The following STAT5B variants were observed in gnomAD, a reference collection of about 807,000 sequenced individuals.
STAT5B encodes signal transducer and activator of transcription 5B, also known as transcription factor STAT5B.
Under a neutral mutation model 107.8 loss-of-function variants are expected in STAT5B, and 21 were observed. The ratio of observed to expected loss-of-function variants is 0.19; its 90% CI spans 0.14 to 0.28. STAT5B has a LOEUF of 0.28. Among genes scored for constraint, STAT5B ranks in the 10% least tolerant of loss-of-function variants. The pLI, the probability that STAT5B is intolerant of heterozygous loss-of-function variation, is 1.00. For missense variants in STAT5B, 565 were observed against 1,008.2 expected, an observed-to-expected ratio of 0.56 and a Z score of 5.95; for synonymous variants, 325 against 401.7, an observed-to-expected ratio of 0.81 and a Z score of 2.28.
chr17:42,218,189 C>T lies in STAT5B; in HGVS notation c.1131G>A (p.Gln377=). The T allele has an allele frequency of 6.2e-7, 1 of 1,614,178 alleles. No individual in the cohort carries two copies. Among genetic ancestry groups the T allele is most frequent in the Non-Finnish European group, 8.5e-7 (1 of 1,180,032 alleles). Reference sequence around the variant, plus strand: ...CGTTCTTGAGCAGAGACTTGGCCTGCTGCTCACTGATGATGGTGGCCTTCA... The same window carrying T: ...CGTTCTTGAGCAGAGACTTGGCCTGTTGCTCACTGATGATGGTGGCCTTCA... The part of the protein sequence containing the change: ...PQVKATIISE[Q]QAKSLLKNEN... Residue 377 remains glutamine (Q), a synonymous_variant, in exon 9 of 19, where the codon CAG becomes CAA. Coordinates refer to ENST00000293328, the MANE Select transcript of STAT5B (RefSeq NM_012448.4).
At chr17:42,238,612 C>A (rs574221468) in intron 1 of STAT5B, among the ~76,000 whole-genome samples, 1 of 151,626 alleles carries the variant, frequency 6.6e-6, no homozygotes, top group South Asian at 2.1e-4. Flanking sequence ...CGCCACCACG[C>A]CTGGCTAATT....
At chr17:42,281,787 G>A in the STAT5B span, among the ~76,000 whole-genome samples, 3 of 152,164 alleles carry the variant, frequency 2.0e-5, no homozygotes, top group Non-Finnish European at 2.9e-5. Context: ...AGGATCCCCC[G>A]ACCCCGCCTC....
chr17:42,263,049 A>C (rs2080632029), intron 1 of STAT5B, among the ~76,000 whole-genome samples: 1 of 127,546 alleles, frequency 7.8e-6, no homozygotes, highest in Admixed American at 8.4e-5. Flanking sequence ...TTTTTTTTAA[A>C]GAGAGACAGG....
intron 1 of STAT5B, chr17:42,233,866 C>G (rs890732815): frequency 2.6e-5 from 4 of 152,142 alleles, no homozygotes; most frequent in African/African-American, 9.7e-5. Context: ...CCCCCTCAGA[C>G]TCACCTGACA....
rs565760661 is a variant in STAT5B, at chr17:42,262,908, GTA to G, written c.-11+13338_-11+13339del. On this transcript the variant is annotated intron_variant, in intron 1 of 18. Transcript: ENST00000293328. Reference sequence around the variant, plus strand: ...CATATATATGTGTGTATATATATGTGTATATATATGTGTGTATATATATATGT... The same window carrying G: ...CATATATATGTGTGTATATATATGTGTATATATGTGTGTATATATATATGT... Among the ~76,000 whole-genome samples the G allele has an allele frequency of 3.2e-3, 351 of 109,762 alleles. 4 individuals are homozygous for G. Among genetic ancestry groups the G allele is most frequent in the African/African-American group, 8.7e-3 (260 of 29,772 alleles). 72.0% of individuals were successfully genotyped at this position (109,762 alleles called of 152,430 possible).
At chr17:42,281,600 T>C (rs2080795927), upstream of STAT5B, among the ~76,000 whole-genome samples, 1 of 152,164 alleles carries the variant, frequency 6.6e-6, no homozygotes, top group African/African-American at 2.4e-5. Context: ...AGCTGGTGCT[T>C]TGTCACATGG....
At chr17:42,284,745 G>A in the STAT5B span, among the ~76,000 whole-genome samples, 3 of 152,212 alleles carry the variant, frequency 2.0e-5, no homozygotes, top group South Asian at 4.1e-4. Flanking sequence ...TCACTCCGCC[G>A]GTGTGTGCTG....
chr17:42,249,466 A>G (rs1183602547), intron 1 of STAT5B, among the ~76,000 whole-genome samples: 1 of 152,184 alleles, frequency 6.6e-6, no homozygotes, highest in Admixed American at 6.6e-5. Flanking sequence ...TCCCTAGTCA[A>G]CTGATAAAAA....
chr17:42,249,060 C>A (rs2080476413), intron 1 of STAT5B, among the ~76,000 whole-genome samples: 1 of 152,156 alleles, frequency 6.6e-6, no homozygotes, highest in South Asian at 2.1e-4. Flanking sequence ...CTGGAACCAT[C>A]CAGATTTTAT....
chr17:42,227,922 A>C, intron 2 of STAT5B, among the ~76,000 whole-genome samples: 1 of 152,284 alleles, frequency 6.6e-6, no homozygotes. Flanking sequence ...ATTTTTAACA[A>C]TGTGCTGCCC....
At chr17:42,251,623 C>T (rs1342511342) in intron 1 of STAT5B, among the ~76,000 whole-genome samples, 3 of 151,904 alleles carry the variant, frequency 2.0e-5, no homozygotes, top group African/African-American at 7.2e-5. Context: ...TAAACAGCAA[C>T]TTACCTGATG....
At chr17:42,208,736 A>AT (rs869068551) in intron 15 of STAT5B, among the ~76,000 whole-genome samples, 59 of 146,800 alleles carry the variant, frequency 4.0e-4, no homozygotes, top group Middle Eastern at 3.4e-3. Flanking sequence ...AAAGTGATGA[A>AT]TTTTTTTTTT....
intron 1 of STAT5B, among the ~76,000 whole-genome samples, chr17:42,273,984 G>A (rs1307175189): frequency 6.6e-6 from 1 of 152,086 alleles, no homozygotes; most frequent in Non-Finnish European, 1.5e-5. Context: ...GAGCAGGATA[G>A]GAAGTGTTGA....
chr17:42,217,628 CG>C, intron 9 of STAT5B, 164 bp from the exon 10 acceptor site: 1 of 707,050 alleles, frequency 1.4e-6, no homozygotes. Flanking sequence ...TCTTCTCGGA[CG>C]TATCTCTACA....
chr17:42,263,751 T>C (rs2080638809), intron 1 of STAT5B, among the ~76,000 whole-genome samples: 1 of 152,048 alleles, frequency 6.6e-6, no homozygotes, highest in Admixed American at 6.6e-5. Context: ...GATCTTGAAC[T>C]CCTGGACTCA....
At chr17:42,238,547 C>T (rs1029909535) in intron 1 of STAT5B, among the ~76,000 whole-genome samples, 18 of 150,964 alleles carry the variant, frequency 1.2e-4, no homozygotes, top group African/African-American at 3.7e-4. Context: ...CTCCGCCTCC[C>T]GGGTTTAAGC....
At position 42,218,306 on chromosome 17, in the gene STAT5B, A is replaced by T. The variant is rs2080191117; in HGVS notation, c.1014T>A (p.Pro338=). 6.2e-7 allele frequency: 1 copy of T among 1,613,394 alleles called. No individual in the cohort carries two copies. Among genetic ancestry groups the T allele is most frequent in the South Asian group, 1.1e-5 (1 of 91,066 alleles). The change falls in exon 9 of 19, where the codon CCT becomes CCA. Residue 338 remains proline (P), a synonymous_variant. Coordinates refer to ENST00000293328, the MANE Select transcript of STAT5B (RefSeq NM_012448.4). ...VTSTFIIEKQ[P]PQVLKTQTKF... ...TGGTCTGGGTCTTCAGGACCTGAGGAGGCTGCTTCTCAATGATGAACGTGC... is the reference window on the plus strand; with the variant it reads ...TGGTCTGGGTCTTCAGGACCTGAGGTGGCTGCTTCTCAATGATGAACGTGC...
At chr17:42,239,886 G>T (rs949549203) in intron 1 of STAT5B, among the ~76,000 whole-genome samples, 10 of 152,254 alleles carry the variant, frequency 6.6e-5, no homozygotes, top group Non-Finnish European at 1.5e-4. Context: ...AGCACTTTGG[G>T]ACGCTGAGGC....
chr17:42,265,864 G>A (rs564346002), intron 1 of STAT5B, among the ~76,000 whole-genome samples: 1 of 152,166 alleles, frequency 6.6e-6, no homozygotes, highest in East Asian at 1.9e-4. Flanking sequence ...CAGTATGGGT[G>A]AACACTGTTT....
Sources: allele counts gnomAD v4.1 joint callset (sites outside exome capture counted in the v4.1 genomes callset), GRCh38; gene constraint gnomAD v4.1.1; transcripts MANE v1.5; gene names NCBI Gene and HGNC (gene_info 2026-07-23, HGNC 2026-07-21).